CSMD1: variants seen among roughly 807,000 people sequenced by gnomAD.
CSMD1 encodes the protein CUB and Sushi multiple domains 1.
CSMD1 carries 213 observed loss-of-function variants against 417.5 expected under a neutral mutation model. The observed-to-expected ratio is 0.51, with a 90% CI of 0.46 to 0.57. CSMD1 has a LOEUF of 0.57. CSMD1 is among the 20% of genes least tolerant of loss of function. CSMD1 has a pLI of 0.00. For missense variants in CSMD1, 6,923 were observed against 4,529.7 expected (o/e 1.53, Z -15.17); for synonymous variants, 2,862 against 1,736.8 (o/e 1.65, Z -16.11).
intron 10 of CSMD1, among the ~76,000 whole-genome samples, chr8:3,533,494 G>C (rs921481846): frequency 2.0e-5 from 3 of 152,056 alleles, no homozygotes; most frequent in Non-Finnish European, 2.9e-5. Flanking sequence ...TTTGTCCTGT[G>C]AGCAGCTTAC....
chr8:4,319,299 A>C (rs1458689327), intron 3 of CSMD1, among the ~76,000 whole-genome samples: 1 of 152,096 alleles, frequency 6.6e-6, no homozygotes, highest in Non-Finnish European at 1.5e-5. Context: ...GCTTTTAAAC[A>C]GTTTCTTCTA....
At chr8:4,152,247 A>G (rs1467539473) in intron 3 of CSMD1, among the ~76,000 whole-genome samples, 1 of 152,224 alleles carries the variant, frequency 6.6e-6, no homozygotes, top group Non-Finnish European at 1.5e-5. Context: ...CTTTCTCAAG[A>G]GAATGCTCTA....
At chr8:3,342,561 T>C (rs947680528) in intron 23 of CSMD1, among the ~76,000 whole-genome samples, 2 of 152,214 alleles carry the variant, frequency 1.3e-5, no homozygotes, top group Non-Finnish European at 2.9e-5. Flanking sequence ...ATGCTGAAAG[T>C]GGCAGTTATC....
intron 1 of CSMD1, among the ~76,000 whole-genome samples, chr8:4,900,402 A>G (rs1804788423): frequency 6.6e-6 from 1 of 152,170 alleles, no homozygotes; most frequent in Admixed American, 6.5e-5. Context: ...ACGCCTCTGC[A>G]CCATATCTAT....
At chr8:3,258,129 A>G (rs1322903887) in intron 26 of CSMD1, among the ~76,000 whole-genome samples, 3 of 152,168 alleles carry the variant, frequency 2.0e-5, no homozygotes, top group African/African-American at 7.2e-5. Flanking sequence ...GATATGAAAG[A>G]CAGAATATGA....
chr8:3,898,136 C>A (rs1235246235), intron 5 of CSMD1, among the ~76,000 whole-genome samples: 1 of 152,138 alleles, frequency 6.6e-6, no homozygotes, highest in East Asian at 1.9e-4. Flanking sequence ...TTTCTACCAG[C>A]TGAGTCAAAG....
At chr8:4,577,536 G>T (rs966568137) in intron 2 of CSMD1, among the ~76,000 whole-genome samples, 1 of 152,120 alleles carries the variant, frequency 6.6e-6, no homozygotes, top group Non-Finnish European at 1.5e-5. Flanking sequence ...ACAGGCTCCA[G>T]TGTGGCCCAC....
At chr8:3,160,848 C>T (rs752893437) in intron 38 of CSMD1, among the ~76,000 whole-genome samples, 3 of 152,188 alleles carry the variant, frequency 2.0e-5, no homozygotes, top group Non-Finnish European at 4.4e-5. Flanking sequence ...TAATGCACCC[C>T]TTTAGCATTC....
Position 4,840,868 on chromosome 8 carries a change from G to C in CSMD1, c.85+153464C>G, listed in dbSNP as rs571694325. 1.0e-3 allele frequency among the ~76,000 whole-genome samples: 157 copies of C among 152,282 alleles called. 2 individuals carry two copies. Among genetic ancestry groups the C allele is most frequent in the African/African-American group, 3.7e-3 (154 of 41,552 alleles). ...CCACTATTAATAAAAATACATTCTT[G>C]TTATTAAGTGCCTAATATTTGCGTG... is the stretch of plus-strand genomic sequence containing the variant. On this transcript the variant is annotated intron_variant, in intron 1 of 69. Transcript: ENST00000635120.
chr8:3,306,830 CTTTAAAAATATTACAGAGCT>C (rs1374466403), intron 25 of CSMD1, among the ~76,000 whole-genome samples: 7 of 27,884 alleles, frequency 2.5e-4, no homozygotes, highest in African/African-American at 9.8e-4. Context: ...CAAGAGCTTA[CTTTAAAAATATTACAGAGCT>C]TACTTTAAAA....
intron 25 of CSMD1, among the ~76,000 whole-genome samples, chr8:3,297,488 A>C (rs1359532828): frequency 1.3e-5 from 2 of 152,194 alleles, no homozygotes; most frequent in African/African-American, 4.8e-5. Flanking sequence ...AATGAAATGG[A>C]ATACAGTTTG....
chr8:3,033,997 G>A (rs1041750379), intron 50 of CSMD1, among the ~76,000 whole-genome samples: 15 of 152,212 alleles, frequency 9.9e-5, no homozygotes, highest in East Asian at 3.9e-4. Context: ...CCCCCTAGTC[G>A]GGCAGGTGCC....
At chr8:4,074,255 T>C (rs972173279) in intron 3 of CSMD1, among the ~76,000 whole-genome samples, 5 of 151,998 alleles carry the variant, frequency 3.3e-5, no homozygotes, top group African/African-American at 7.2e-5. Flanking sequence ...CAAAAACAAA[T>C]TGTTTCATAA....
intron 1 of CSMD1, among the ~76,000 whole-genome samples, chr8:4,678,177 G>C (rs907265548): frequency 6.6e-6 from 1 of 152,032 alleles, no homozygotes; most frequent in Non-Finnish European, 1.5e-5. Flanking sequence ...TTAGGAGGCT[G>C]AGGCGTGTAG....
chr8:3,245,909 G>T (rs189735970), intron 26 of CSMD1, among the ~76,000 whole-genome samples: 1 of 152,094 alleles, frequency 6.6e-6, no homozygotes, highest in Non-Finnish European at 1.5e-5. Context: ...GACATGAATC[G>T]CATTCTACTT....
intron 2 of CSMD1, among the ~76,000 whole-genome samples, chr8:4,528,182 C>T (rs1484911416): frequency 6.6e-6 from 1 of 152,120 alleles, no homozygotes; most frequent in African/African-American, 2.4e-5. Context: ...ACCTGTATTC[C>T]TTGGTTCATG....
intron 5 of CSMD1, among the ~76,000 whole-genome samples, chr8:3,841,364 G>T (rs141386472): frequency 2.4e-4 from 36 of 152,154 alleles, no homozygotes; most frequent in Admixed American, 2.1e-3. Flanking sequence ...CCATGCTTTC[G>T]TTATGTGGTT....
At chr8:3,828,398 C>T (rs1056390838) in intron 5 of CSMD1, among the ~76,000 whole-genome samples, 3 of 151,968 alleles carry the variant, frequency 2.0e-5, no homozygotes, top group Non-Finnish European at 2.9e-5. Flanking sequence ...ACTGCGTTAC[C>T]ATATTGTCAT....
At position 3,409,433 on chromosome 8, in the gene CSMD1, G is replaced by C; in HGVS notation, c.1734C>G (p.Pro578=). ...QQNNQWSGNK[P]SCVFSCFFNF... is the part of the protein sequence containing the mutation. ...AGGCATAATACTCACATACACAGCT[G>C]GGCTTGTTGCCAGACCACTGATTGT... is the stretch of plus-strand genomic sequence containing the variant. The change falls in exon 13 of 70, where the codon CCC becomes CCG. Residue 578 remains proline, a synonymous_variant. Coordinates refer to ENST00000635120, the MANE Select transcript of CSMD1 (RefSeq NM_033225.6). The C allele has an allele frequency of 6.2e-7, 1 of 1,609,686 alleles. No homozygotes were observed.
Sources: allele counts gnomAD v4.1 joint callset (sites outside exome capture counted in the v4.1 genomes callset), GRCh38; gene constraint gnomAD v4.1.1; transcripts MANE v1.5; gene names NCBI Gene and HGNC (gene_info 2026-07-23, HGNC 2026-07-21).